Variants in RUNDC3B observed in about 807,000 individuals in gnomAD.
RUNDC3B encodes RUN domain containing 3B.
A neutral mutation model predicts 58.4 loss-of-function variants in RUNDC3B; 33 were observed. That is an observed-to-expected ratio of 0.56 (90% CI 0.43 to 0.75). The LOEUF is 0.75. Ranked by LOEUF, RUNDC3B falls within the 30% of genes least tolerant of loss-of-function variation. The pLI, the probability that RUNDC3B is intolerant of heterozygous loss-of-function variation, is 0.00. For synonymous variants in RUNDC3B, 193 were observed against 195.2 expected, an observed-to-expected ratio of 0.99 and a Z score of 0.10; for missense variants, 501 against 535.7, an observed-to-expected ratio of 0.94 and a Z score of 0.64.
At chr7:87,765,151 T>A (rs898003092) in intron 6 of RUNDC3B, among the ~76,000 whole-genome samples, 3 of 151,926 alleles carry the variant, frequency 2.0e-5, no homozygotes, top group Admixed American at 2.0e-4. Context: ...ATGTAACCGT[T>A]ATTTCTGATT....
intron 4 of RUNDC3B, among the ~76,000 whole-genome samples, chr7:87,726,113 A>G (rs1458930473): frequency 2.0e-5 from 3 of 152,178 alleles, no homozygotes; most frequent in East Asian, 1.9e-4. Context: ...CCATTTGTCA[A>G]TTTTGGCTTT....
chr7:87,677,335 TA>T (rs57714170), intron 2 of RUNDC3B, among the ~76,000 whole-genome samples: 5,293 of 125,100 alleles, frequency 0.042, 247 homozygotes, highest in African/African-American at 0.13. Context: ...ATTTCAGATT[TA>T]AAAAAAAAAA....
intron 2 of RUNDC3B, among the ~76,000 whole-genome samples, chr7:87,680,854 C>T (rs1826861546): frequency 6.7e-6 from 1 of 149,006 alleles, no homozygotes; most frequent in African/African-American, 2.5e-5. Flanking sequence ...AAAATTAAAC[C>T]CAAAACAAGC....
intron 3 of RUNDC3B, among the ~76,000 whole-genome samples, chr7:87,704,121 A>T (rs967632428): frequency 4.0e-5 from 6 of 151,694 alleles, no homozygotes; most frequent in African/African-American, 2.4e-5. Context: ...GGGTTTCACC[A>T]TATTGGCCAG....
At chr7:87,710,689 T>A (rs756562796) in intron 4 of RUNDC3B, 34 bp downstream of exon 4, 7 of 1,204,110 alleles carry the variant, frequency 5.8e-6, no homozygotes, top group Non-Finnish European at 8.4e-6. Context: ...TAATATATAT[T>A]TGAAAGAATC....
chr7:87,710,696 A>T (rs778229480), intron 4 of RUNDC3B, 41 bp downstream of exon 4: 10 of 1,101,846 alleles, frequency 9.1e-6, no homozygotes, highest in African/African-American at 1.6e-5. Flanking sequence ...TATTTGAAAG[A>T]ATCACCTGAA....
intron 8 of RUNDC3B, among the ~76,000 whole-genome samples, chr7:87,781,286 T>C (rs1333441774): frequency 6.8e-6 from 1 of 147,008 alleles, no homozygotes; most frequent in East Asian, 1.9e-4. Context: ...GACTCTCAGC[T>C]TGACCGTTAT....
chr7:87,823,619 C>T (rs1837621018), intron 10 of RUNDC3B, among the ~76,000 whole-genome samples: 1 of 152,028 alleles, frequency 6.6e-6, no homozygotes, highest in East Asian at 1.9e-4. Flanking sequence ...CTTTCTTATG[C>T]TTTTGCATCC....
intron 6 of RUNDC3B, among the ~76,000 whole-genome samples, chr7:87,746,353 T>C (rs1832640507): frequency 1.3e-5 from 2 of 152,204 alleles, no homozygotes; most frequent in African/African-American, 4.8e-5. Context: ...CATTGTTTCT[T>C]TGTTGACTTT....
At chr7:87,668,814 A>G (rs1298260951) in intron 2 of RUNDC3B, among the ~76,000 whole-genome samples, 8 of 152,044 alleles carry the variant, frequency 5.3e-5, no homozygotes, top group Non-Finnish European at 1.5e-5. Flanking sequence ...CTTGACTTCT[A>G]TTTTTATTGC....
At chr7:87,821,068 G>C (rs1359407787) in intron 10 of RUNDC3B, among the ~76,000 whole-genome samples, 4 of 149,546 alleles carry the variant, frequency 2.7e-5, no homozygotes, top group African/African-American at 9.9e-5. Flanking sequence ...GGAAATAAAG[G>C]GTATTCAATT....
intron 1 of RUNDC3B, among the ~76,000 whole-genome samples, chr7:87,631,240 A>T (rs1236760085): frequency 6.6e-6 from 1 of 152,246 alleles, no homozygotes; most frequent in Non-Finnish European, 1.5e-5. Context: ...GAAGAAAGTC[A>T]CTATAGGCCA....
intron 2 of RUNDC3B, among the ~76,000 whole-genome samples, chr7:87,651,818 A>G (rs909262659): frequency 6.6e-6 from 1 of 152,134 alleles, no homozygotes; most frequent in Non-Finnish European, 1.5e-5. Flanking sequence ...GGCCCAGAGC[A>G]AAGGATTGAA....
chr7:87,757,877 A>G (rs1394436507), intron 6 of RUNDC3B, among the ~76,000 whole-genome samples: 1 of 152,196 alleles, frequency 6.6e-6, no homozygotes, highest in Admixed American at 6.6e-5. Flanking sequence ...CTCATTTTCT[A>G]GAGAGGTCAA....
In RUNDC3B at chr7:87,628,471, G is replaced by C. The variant is rs1055394055; in HGVS notation, c.-353G>C. On this transcript the variant is annotated 5_prime_UTR_variant, in exon 1 of 11. Transcript: ENST00000394654. ...TTGGGCGTGAGGGGCCGACGGGCTCGCGCGCGCGCCGTCTGCTGAGGTCCC... is the reference window on the plus strand; with the variant it reads ...TTGGGCGTGAGGGGCCGACGGGCTCCCGCGCGCGCCGTCTGCTGAGGTCCC... 2.2e-5 allele frequency: 4 copies of C among 181,086 alleles called. No homozygotes were observed. The highest frequency in any genetic ancestry group is 4.6e-5 in the Non-Finnish European group (4 of 87,036). 11.2% of individuals were successfully genotyped at this position (181,086 alleles called of 1,614,324 possible). A position where few individuals can be genotyped will look rare whatever the true frequency, so the allele number is the denominator to read the frequency against.
At chr7:87,815,264 TA>T (rs1836966936) in intron 9 of RUNDC3B, among the ~76,000 whole-genome samples, 1 of 152,148 alleles carries the variant, frequency 6.6e-6, no homozygotes, top group African/African-American at 2.4e-5. Context: ...TGCATTCCTA[TA>T]AAAATTATTG....
intron 4 of RUNDC3B, among the ~76,000 whole-genome samples, 176 bp from the exon 5 acceptor site, chr7:87,739,615 C>T (rs530234078): frequency 1.3e-5 from 2 of 151,918 alleles, no homozygotes; most frequent in East Asian, 3.9e-4. Context: ...TGTTTTGTCT[C>T]TTTATTTTGG....
Position 87,783,237 on chromosome 7 carries a change from C to A in RUNDC3B, c.956+5282C>A, listed in dbSNP as rs572876467. On this transcript the variant is annotated intron_variant, in intron 8 of 10. Coordinates refer to ENST00000394654, the MANE Select transcript of RUNDC3B (RefSeq NM_001134405.2). ...CTTTTTGTTGTATTGAACTCTTTAT[C>A]ATTATGTAATGACCGTAATGACCTT... Among the ~76,000 whole-genome samples the A allele has an allele frequency of 3.9e-5, 6 of 151,946 alleles. No homozygotes were observed. The South Asian group carries it at 1.2e-3, about 32-fold the overall frequency.
chr7:87,734,598 T>C (rs375677867), intron 4 of RUNDC3B, among the ~76,000 whole-genome samples: 13 of 152,326 alleles, frequency 8.5e-5, no homozygotes, highest in African/African-American at 3.1e-4. Context: ...GCTAATTTCA[T>C]GATTACACTT....
Sources: allele counts gnomAD v4.1 joint callset (sites outside exome capture counted in the v4.1 genomes callset), GRCh38; gene constraint gnomAD v4.1.1; transcripts MANE v1.5; gene names NCBI Gene and HGNC (gene_info 2026-07-23, HGNC 2026-07-21).